EPS8L2: variants seen among roughly 807,000 people sequenced by gnomAD.
The protein encoded by EPS8L2 is epidermal growth factor receptor kinase substrate 8-like protein 2.
A neutral mutation model predicts 99.4 loss-of-function variants in EPS8L2; 81 were observed. The observed-to-expected ratio is 0.82, with a 90% CI of 0.68 to 0.98. EPS8L2 has a LOEUF of 0.98. EPS8L2 is among the 50% of genes least tolerant of loss of function. The pLI is 0.00. For synonymous variants in EPS8L2, 509 were observed against 407.3 expected (o/e 1.25, Z -3.01); for missense variants, 1,155 against 968.8 (o/e 1.19, Z -2.55).
At chr11:718,212 A>G (rs1282226756) in intron 4 of EPS8L2, among the ~76,000 whole-genome samples, 1 of 151,850 alleles carries the variant, frequency 6.6e-6, no homozygotes, top group African/African-American at 2.4e-5. Flanking sequence ...GGGTGCCTAT[A>G]ATCCCACGTA....
chr11:725,054 G>C (rs1862278367), intron 16 of EPS8L2, among the ~76,000 whole-genome samples: 1 of 152,230 alleles, frequency 6.6e-6, no homozygotes, highest in Non-Finnish European at 1.5e-5. Context: ...GGCATGCAGA[G>C]ACCCCTGTGC....
At chr11:722,274 G>C in intron 12 of EPS8L2, 109 bp downstream of exon 12, 1 of 1,536,140 alleles carries the variant, frequency 6.5e-7, no homozygotes. Context: ...GGGCAGCCCG[G>C]TTCACGCTGT....
chr11:721,812 C>T (rs772370789), intron 10 of EPS8L2, 91 bp from the exon 11 acceptor site: 1 of 1,508,574 alleles, frequency 6.6e-7, no homozygotes, highest in Non-Finnish European at 9.1e-7. Context: ...GGAGGAAGGT[C>T]CAGCCCACAC....
At position 721,124 on chromosome 11, in the gene EPS8L2, G is replaced by A. The variant is rs1470883876; in HGVS notation, c.618G>A (p.Ala206=). 3 of 1,534,564 alleles carry A rather than the reference G, an allele frequency of 2.0e-6. No homozygotes were observed. The highest frequency in any genetic ancestry group is 1.4e-5 in the African/African-American group (1 of 72,804). ...QSILPPPQGP[A]PIPFQHRGGD... Reference sequence around the variant, plus strand: ...TCCTGCCTCCTCCCCAGGGCCCGGCGCCCATCCCCTTCCAGCACCGCGGCG... The same window carrying A: ...TCCTGCCTCCTCCCCAGGGCCCGGCACCCATCCCCTTCCAGCACCGCGGCG... Residue 206 remains alanine (A), a synonymous_variant, in exon 8 of 21, where the codon GCG becomes GCA. Coordinates refer to ENST00000318562, the MANE Select transcript of EPS8L2 (RefSeq NM_022772.4).
Position 721,576 on chromosome 11 carries a change from C to T in EPS8L2, c.780C>T (p.Asn260=). Residue 260 remains asparagine, a synonymous_variant, in exon 10 of 21, where the codon AAC becomes AAT. Coordinates refer to ENST00000318562, the MANE Select transcript of EPS8L2 (RefSeq NM_022772.4). The stretch of plus-strand genomic sequence containing the variant: ...CCCTCTGACCCCAGCAAATCCTCAA[C>T]TGCGCCCTGGACGACATCGAGTGGT... ...QKIEKETQIL[N]CALDDIEWFV... The T allele has an allele frequency of 5.8e-6, 9 of 1,563,152 alleles. No individual in the cohort carries two copies. The highest frequency in any genetic ancestry group is 6.0e-6 in the Non-Finnish European group (7 of 1,158,580).
chr11:720,985 G>GGGAGGGAGGAGCCCGGCAGGGA, intron 7 of EPS8L2, 76 bp downstream of exon 7: 1 of 1,371,644 alleles, frequency 7.3e-7, no homozygotes, highest in Non-Finnish European at 9.8e-7. Flanking sequence ...GGAGCCGGCA[G>GGGAGGGAGGAGCCCGGCAGGGA]GGGAGGGGAG....
At chr11:712,335 G>A (rs563625193) in intron 4 of EPS8L2, among the ~76,000 whole-genome samples, 2 of 151,972 alleles carry the variant, frequency 1.3e-5, no homozygotes, top group African/African-American at 4.8e-5. Flanking sequence ...CTGGGCTCCC[G>A]GTTGTGGTCC....
chr11:709,429 AGCT>A lies in EPS8L2; in HGVS notation c.28_30del (p.Cys10del). The A allele has an allele frequency of 6.3e-7, 1 of 1,595,250 alleles. No homozygotes were observed. On this transcript the variant is annotated inframe_deletion, in exon 2 of 21. Coordinates refer to ENST00000318562, the MANE Select transcript of EPS8L2 (RefSeq NM_022772.4). ...CACCATGAGCCAGTCCGGGGCCGTG[AGCT>A]GCTGCCCGGGTGCCACCAAGTGAGC...
At position 717,868 on chromosome 11, in the gene EPS8L2, G is replaced by A. The variant is rs927107671; in HGVS notation, c.166-2194G>A. ...ACTAAAAATACAAAAAATTAGCCGG[G>A]CGTGGTGGCAGGCGCCTGTAGTCCC... On this transcript the variant is annotated intron_variant, in intron 4 of 20. Transcript: ENST00000318562. Among the ~76,000 whole-genome samples, 6 of 152,054 alleles carry A rather than the reference G, an allele frequency of 3.9e-5. No individual in the cohort carries two copies. In the South Asian group the frequency reaches 8.3e-4, roughly 21 times the overall value.
In EPS8L2 at chr11:721,908, G is replaced by A. The variant is rs534982611; in HGVS notation, c.901G>A (p.Val301Ile). The A allele has an allele frequency of 2.1e-5, 33 of 1,587,850 alleles. No homozygotes were observed. The highest frequency in any genetic ancestry group is 1.7e-4 in the Middle Eastern group (1 of 5,796). Reference sequence around the variant, plus strand: ...CGCGGTGCCTCCCATGCCAGAGGGCGTCCTCACACTGCGGGCACGGCCCCC... The same window carrying A: ...CGCGGTGCCTCCCATGCCAGAGGGCATCCTCACACTGCGGGCACGGCCCCC... ...KKGKKAPAEG[V>I]LTLRARPPSE... The change falls in exon 11 of 21, where the codon GTC becomes ATC. Residue 301 changes from valine to isoleucine, a missense_variant. Coordinates refer to ENST00000318562, the MANE Select transcript of EPS8L2 (RefSeq NM_022772.4).
intron 10 of EPS8L2, 93 bp downstream of exon 10, chr11:721,784 G>A: frequency 6.7e-7 from 1 of 1,499,676 alleles, no homozygotes; most frequent in Non-Finnish European, 9.2e-7. Context: ...GACATCCATG[G>A]GGGCTACTCA....
chr11:709,503 C>T (rs750317832), intron 2 of EPS8L2, 50 bp from the exon 3 acceptor site: 1 of 1,609,642 alleles, frequency 6.2e-7, no homozygotes, highest in South Asian at 1.1e-5. Context: ...CTGAACAGTC[C>T]CCAGGGAGGG....
chr11:710,650 G>T (rs1315998456), intron 4 of EPS8L2, among the ~76,000 whole-genome samples, 164 bp downstream of exon 4: 1 of 152,222 alleles, frequency 6.6e-6, no homozygotes, highest in Non-Finnish European at 1.5e-5. Context: ...GGTCACTTGA[G>T]CCCGGGAGGC....
chr11:720,955 G>A lies in EPS8L2; in HGVS notation c.557+46G>A, dbSNP rs576522662. On this transcript the variant is annotated intron_variant, in intron 7 of 20. Transcript: ENST00000318562. ...GGGTCGCAGGGGGCGGGGAGGGGAG[G>A]AGCCCGGCAGGGGAGGGGAGGAGCC... 165 of 1,458,630 alleles carry A rather than the reference G, an allele frequency of 1.1e-4. No homozygotes were observed. The East Asian group carries it at 3.9e-3, about 34-fold the overall frequency. 90.4% of individuals were successfully genotyped at this position (1,458,630 alleles called of 1,614,324 possible).
chr11:710,418 T>A lies in EPS8L2; in HGVS notation c.101-4T>A, dbSNP rs1341069595. The A allele has an allele frequency of 6.2e-7, 1 of 1,613,346 alleles. No homozygotes were observed. On this transcript the variant is annotated splice_region_variant and splice_polypyrimidine_tract_variant and intron_variant, in intron 3 of 20. Transcript: ENST00000318562. ...GGGGGAGTGACTGGTGTCTCCCGGT[T>A]CAGAGCAGAGGAAGAAGTATTCCAA...
At position 709,357 on chromosome 11, in the gene EPS8L2, G is replaced by C. The variant is rs374267532; in HGVS notation, c.-51G>C. 15 of 1,548,878 alleles carry C rather than the reference G, an allele frequency of 9.7e-6. No individual in the cohort carries two copies. In the Middle Eastern group the frequency reaches 7.5e-4, roughly 77 times the overall value. On this transcript the variant is annotated 5_prime_UTR_variant, in exon 2 of 21. Transcript: ENST00000318562. ...GTGGGACAGGCACTGGCCTCAGACCGGGGCCACACTGAGGTCTGCCCTTCT... is the reference window on the plus strand; with the variant it reads ...GTGGGACAGGCACTGGCCTCAGACCCGGGCCACACTGAGGTCTGCCCTTCT...
intron 4 of EPS8L2, among the ~76,000 whole-genome samples, chr11:718,189 C>T (rs761751781): frequency 1.2e-4 from 18 of 151,846 alleles, no homozygotes; most frequent in Non-Finnish European, 1.9e-4. Context: ...AAAAATTAGT[C>T]GGGTGTGGTG....
intron 4 of EPS8L2, among the ~76,000 whole-genome samples, chr11:718,915 G>A (rs1287896686): frequency 2.0e-5 from 3 of 149,360 alleles, no homozygotes; most frequent in Non-Finnish European, 3.0e-5. Context: ...TGATCCACCC[G>A]CCTCGGCCTC....
At chr11:718,967 CTTT>C (rs745422884) in intron 4 of EPS8L2, among the ~76,000 whole-genome samples, 9 of 125,220 alleles carry the variant, frequency 7.2e-5, no homozygotes, top group African/African-American at 5.9e-5. Context: ...TGCGCCCGAT[CTTT>C]TTTTTTTTTT....
Sources: allele counts gnomAD v4.1 joint callset (sites outside exome capture counted in the v4.1 genomes callset), GRCh38; gene constraint gnomAD v4.1.1; transcripts MANE v1.5; gene names NCBI Gene and HGNC (gene_info 2026-07-23, HGNC 2026-07-21).